The following KNG1 variants were observed in gnomAD, a reference collection of about 807,000 sequenced individuals.
KNG1 encodes kininogen-1.
A neutral mutation model predicts 47.8 loss-of-function variants in KNG1; 23 were observed. That is an observed-to-expected ratio of 0.48 (90% CI 0.35 to 0.68). The LOEUF is 0.68. Ranked by LOEUF, KNG1 falls within the 30% of genes least tolerant of loss-of-function variation. The pLI is 0.01. For missense variants in KNG1, 762 were observed against 790.2 expected, an observed-to-expected ratio of 0.96 and a Z score of 0.43; for synonymous variants, 277 against 277.0, an observed-to-expected ratio of 1.00 and a Z score of 0.00.
chr3:186,728,359 A>G (rs1205049679), intron 5 of KNG1: 1 of 152,174 alleles, frequency 6.6e-6, no homozygotes, highest in African/African-American at 2.4e-5. Context: ...TGTTAATGTC[A>G]GTTGTTTTTT....
chr3:186,718,701 A>C (rs1300391964), intron 1 of KNG1: 1 of 152,166 alleles, frequency 6.6e-6, no homozygotes, highest in African/African-American at 2.4e-5. Flanking sequence ...AAAACTATAG[A>C]ACTCCAAACC....
chr3:186,739,008 T>C, intron 7 of KNG1, 91 bp from the exon 8 acceptor site: 1 of 1,121,758 alleles, frequency 8.9e-7, no homozygotes. Context: ...TCAATTAAAA[T>C]TTCAAGATTC....
At position 186,743,773 on chromosome 3, in the gene KNG1, G is replaced by A; in HGVS notation, c.*1442G>A. On this transcript the variant is annotated 3_prime_UTR_variant, in exon 10 of 10. Coordinates refer to ENST00000644859, the MANE Select transcript of KNG1 (RefSeq NM_001102416.3). ...CAGGGGCAGAGCCAGCATCTGAGAGGGAGGTCTCTTGACCAATGGGCAGAA... is the reference window on the plus strand; with the variant it reads ...CAGGGGCAGAGCCAGCATCTGAGAGAGAGGTCTCTTGACCAATGGGCAGAA... 1 of 1,613,904 alleles carries A rather than the reference G, an allele frequency of 6.2e-7. No individual in the cohort carries two copies. The highest frequency in any genetic ancestry group is 1.1e-5 in the South Asian group (1 of 91,080).
Position 186,726,012 on chromosome 3 carries a change from C to T in KNG1, c.564+752C>T, listed in dbSNP as rs141344828. Among the ~76,000 whole-genome samples the T allele has an allele frequency of 1.4e-3, 215 of 151,232 alleles. No individual in the cohort carries two copies. The East Asian group carries it at 0.016, about 11-fold the overall frequency. On this transcript the variant is annotated intron_variant, in intron 4 of 9. Coordinates refer to ENST00000644859, the MANE Select transcript of KNG1 (RefSeq NM_001102416.3). ...GTGGCGCGATCTTGGCTCACTGCAA[C>T]CTCTGCCTCCCAGGTTCAAGCAATT...
At chr3:186,740,674 C>G (rs1426236640) in intron 9 of KNG1, among the ~76,000 whole-genome samples, 1 of 152,196 alleles carries the variant, frequency 6.6e-6, no homozygotes, top group African/African-American at 2.4e-5. Flanking sequence ...TGGTGTAACA[C>G]AAACATTGTC....
intron 5 of KNG1, chr3:186,728,930 G>A (rs1326664497): frequency 1.3e-5 from 2 of 152,172 alleles, no homozygotes; most frequent in Non-Finnish European, 2.9e-5. Flanking sequence ...TGGTATTACA[G>A]GTGTAAGCCA....
intron 2 of KNG1, among the ~76,000 whole-genome samples, chr3:186,720,967 T>G (rs1392577838): frequency 6.6e-6 from 1 of 151,878 alleles, no homozygotes; most frequent in African/African-American, 2.4e-5. Flanking sequence ...TTTTTTGTGT[T>G]TTTAGTAGAG....
intron 5 of KNG1, among the ~76,000 whole-genome samples, chr3:186,729,758 C>T (rs957120885): frequency 3.3e-5 from 5 of 151,914 alleles, no homozygotes; most frequent in African/African-American, 4.8e-5. Flanking sequence ...CTGCAACCTC[C>T]GCCTCCCGGG....
At chr3:186,735,112 C>CT (rs1272094904) in intron 7 of KNG1, among the ~76,000 whole-genome samples, 1 of 152,136 alleles carries the variant, frequency 6.6e-6, no homozygotes, top group Non-Finnish European at 1.5e-5. Context: ...GCTATTCATG[C>CT]TTTTTTCAGC....
intron 7 of KNG1, among the ~76,000 whole-genome samples, chr3:186,733,928 A>G (rs905766060): frequency 6.6e-6 from 1 of 152,186 alleles, no homozygotes; most frequent in African/African-American, 2.4e-5. Flanking sequence ...AGACCGTGTC[A>G]TTGCACTCCA....
Position 186,742,472 on chromosome 3 carries a change from C to A in KNG1, c.*141C>A. ...CAGTCTAAAGAGAAGTGGTGAGACT[C>A]CCAGTGGAGACACCATCAGTCTCCA... On this transcript the variant is annotated 3_prime_UTR_variant, in exon 10 of 10. Transcript: ENST00000644859. 1 of 1,486,380 alleles carries A rather than the reference C, an allele frequency of 6.7e-7. No homozygotes were observed. The highest frequency in any genetic ancestry group is 8.9e-7 in the Non-Finnish European group (1 of 1,126,148). The allele number at this position is 1,486,380 out of a possible 1,614,324, so 92.1% of individuals were successfully genotyped here. A position where few individuals can be genotyped will look rare whatever the true frequency, so the allele number is the denominator to read the frequency against.
At position 186,722,503 on chromosome 3, in the gene KNG1, A is replaced by G. The variant is rs756602611; in HGVS notation, c.373A>G (p.Thr125Ala). 6 of 1,613,782 alleles carry G rather than the reference A, an allele frequency of 3.7e-6. No homozygotes were observed. The highest frequency in any genetic ancestry group is 1.1e-5 in the South Asian group (1 of 91,018). ...TACGAAATTCTCCGTGGCTACCCAG[A>G]CCTGCCAGATTACTCCAGGTGGCTG... The part of the protein sequence containing the change: ...SSTKFSVATQ[T>A]CQITPAEGPV... Residue 125 changes from threonine (T) to alanine (A), a missense_variant, in exon 3 of 10, where the codon ACC (threonine) becomes GCC (alanine). Physicochemically the swap from Thr to Ala is moderately conservative, Grantham distance 58. Coordinates refer to ENST00000644859, the MANE Select transcript of KNG1 (RefSeq NM_001102416.3).
intron 9 of KNG1, among the ~76,000 whole-genome samples, chr3:186,740,558 T>C (rs184807625): frequency 7.0e-4 from 107 of 152,356 alleles, no homozygotes; most frequent in Admixed American, 1.6e-3. Context: ...TTCTCACAGG[T>C]AGCAAAAGTG....
chr3:186,726,191 C>T (rs374233592), intron 4 of KNG1, among the ~76,000 whole-genome samples: 7 of 152,058 alleles, frequency 4.6e-5, no homozygotes, highest in Admixed American at 3.3e-4. Flanking sequence ...ACCTCGGCCT[C>T]GCAAAGTGCT....
intron 5 of KNG1, chr3:186,728,405 C>T (rs1221758647): frequency 6.6e-6 from 1 of 151,928 alleles, no homozygotes; most frequent in Non-Finnish European, 1.5e-5. Context: ...GTTTATGCAA[C>T]ATTACAGAAT....
rs747824306 is a variant in KNG1, at chr3:186,742,059, G to T, written c.1663G>T (p.Gly555Cys). ...ACCCATCCCTTCCCTAGCCAAGCCA[G>T]GTGTAACAGTTACCTTTTCTGACTT... ...PTPIPSLAKP[G>C]VTVTFSDFQD... The change falls in exon 10 of 10, where the codon GGT (glycine) becomes TGT (cysteine). Residue 555 changes from glycine (G) to cysteine (C), a missense_variant. Transcript: ENST00000644859. 6.2e-7 allele frequency: 1 copy of T among 1,613,940 alleles called. No homozygotes were observed. Among genetic ancestry groups the T allele is most frequent in the Non-Finnish European group, 8.5e-7 (1 of 1,179,846 alleles).
chr3:186,739,144 A>G lies in KNG1; in HGVS notation c.976A>G (p.Thr326Ala). 6.2e-7 allele frequency: 1 copy of G among 1,614,204 alleles called. No individual in the cohort carries two copies. The highest frequency in any genetic ancestry group is 1.3e-5 in the African/African-American group (1 of 75,058). ...KYFIDFVARE[T>A]TCSKESNEEL... The stretch of plus-strand genomic sequence containing the variant: ...TTTTATTGACTTCGTGGCCAGGGAA[A>G]CCACATGTTCCAAGGAAAGTAATGA... The change falls in exon 8 of 10, where the codon ACC becomes GCC. Residue 326 changes from threonine (T) to alanine (A), a missense_variant. Thr to Ala is a moderately conservative substitution (Grantham distance 58). Transcript: ENST00000644859.
chr3:186,718,872 G>A (rs1720105010), intron 1 of KNG1, among the ~76,000 whole-genome samples: 1 of 152,210 alleles, frequency 6.6e-6, no homozygotes, highest in South Asian at 2.1e-4. Context: ...ATGCACTCCA[G>A]CAGGAGACAA....
chr3:186,734,440 G>A (rs998540255), intron 7 of KNG1, among the ~76,000 whole-genome samples: 2 of 152,010 alleles, frequency 1.3e-5, no homozygotes, highest in Non-Finnish European at 2.9e-5. Flanking sequence ...TATACATGAT[G>A]TTATCAGTTG....
Sources: gnomAD v4.1 joint callset for allele counts (sites outside exome capture counted in the v4.1 genomes callset) on GRCh38, gnomAD v4.1.1 for gene constraint, MANE v1.5 for transcripts, NCBI Gene and HGNC (gene_info 2026-07-23, HGNC 2026-07-21) for gene names.